The following GRIA2 variants were observed in gnomAD, a reference collection of about 807,000 sequenced individuals.
GRIA2 encodes glutamate receptor 2.
A neutral mutation model predicts 97.3 loss-of-function variants in GRIA2; 14 were observed. The ratio of observed to expected loss-of-function variants is 0.14; its 90% CI spans 0.10 to 0.23. The LOEUF (loss-of-function observed/expected upper bound fraction) is 0.23, where lower values mean the gene tolerates loss of function less well. Ranked by LOEUF, GRIA2 falls within the 10% of genes least tolerant of loss-of-function variation. The pLI is 1.00. For missense variants in GRIA2, 558 were observed against 1,069.8 expected (o/e 0.52, Z 6.67); for synonymous variants, 412 against 387.8 (o/e 1.06, Z -0.73).
At chr4:157,270,542 G>A (rs934284653) in intron 2 of GRIA2, among the ~76,000 whole-genome samples, 2 of 152,012 alleles carry the variant, frequency 1.3e-5, no homozygotes, top group African/African-American at 4.8e-5. Context: ...ACATATTTAA[G>A]ACTTTAAATC....
At chr4:157,234,393 T>A (rs1730152694) in intron 2 of GRIA2, among the ~76,000 whole-genome samples, 1 of 152,124 alleles carries the variant, frequency 6.6e-6, no homozygotes, top group African/African-American at 2.4e-5. Flanking sequence ...GATTTTACTT[T>A]ATTATCATTT....
chr4:157,342,508 C>G (rs955890212), intron 12 of GRIA2: 9 of 957,460 alleles, frequency 9.4e-6, no homozygotes, highest in African/African-American at 1.8e-5. Context: ...TGTGGACCAT[C>G]AGCAGCTTTT....
intron 2 of GRIA2, among the ~76,000 whole-genome samples, chr4:157,290,223 A>T (rs1406219356): frequency 6.6e-6 from 1 of 151,932 alleles, no homozygotes; most frequent in Non-Finnish European, 1.5e-5. Context: ...AATACATAAT[A>T]CATCATACTA....
intron 12 of GRIA2, among the ~76,000 whole-genome samples, chr4:157,348,471 T>C (rs933008003): frequency 3.9e-5 from 6 of 152,208 alleles, no homozygotes; most frequent in African/African-American, 1.4e-4. Flanking sequence ...GCTCCTGGGC[T>C]CAAGTGATCC....
At position 157,269,136 on chromosome 4, in the gene GRIA2, C is replaced by T. The variant is rs968917336; in HGVS notation, c.230-34416C>T. On this transcript the variant is annotated intron_variant, in intron 2 of 15. Coordinates refer to ENST00000264426, the MANE Select transcript of GRIA2 (RefSeq NM_001083619.3). ...ACAGTTGTTTTTTATACTCTCCTCA[C>T]CCCTCCTTTAATTAATAACTCTCAT... 5.9e-5 allele frequency among the ~76,000 whole-genome samples: 9 copies of T among 151,894 alleles called. 1 individual carries two copies. The highest frequency in any genetic ancestry group is 2.0e-4 in the Admixed American group (3 of 15,228).
At position 157,341,167 on chromosome 4, in the gene GRIA2, A is replaced by G; in HGVS notation, c.1845-97A>G. The G allele has an allele frequency of 6.4e-6, 5 of 782,682 alleles. 1 individual carries two copies. In the South Asian group the frequency reaches 7.9e-5, roughly 12 times the overall value. 48.5% of individuals were successfully genotyped at this position (782,682 alleles called of 1,614,324 possible). ...TACATTGAAAAATATAAAATTAAATATTCCCCTATAAGTCAATATTTGCAT... is the reference window on the plus strand; with the variant it reads ...TACATTGAAAAATATAAAATTAAATGTTCCCCTATAAGTCAATATTTGCAT... On this transcript the variant is annotated intron_variant, in intron 11 of 15. Transcript: ENST00000264426.
At chr4:157,317,177 C>T (rs1734361248) in intron 4 of GRIA2, among the ~76,000 whole-genome samples, 1 of 152,030 alleles carries the variant, frequency 6.6e-6, no homozygotes, top group South Asian at 2.1e-4. Flanking sequence ...TTTAAATATT[C>T]TTTTGAAATG....
At chr4:157,256,119 T>TG (rs991484157) in intron 2 of GRIA2, among the ~76,000 whole-genome samples, 1 of 144,278 alleles carries the variant, frequency 6.9e-6, no homozygotes, top group Non-Finnish European at 1.5e-5. Flanking sequence ...AGCAAACTAT[T>TG]GAGAGCTGCT....
At chr4:157,358,626 C>T (rs1424830635) in intron 12 of GRIA2, among the ~76,000 whole-genome samples, 1 of 152,090 alleles carries the variant, frequency 6.6e-6, no homozygotes, top group African/African-American at 2.4e-5. Context: ...GATCCATGAG[C>T]CTGTCTCAAT....
At position 157,293,109 on chromosome 4, in the gene GRIA2, G is replaced by A. The variant is rs1276659781; in HGVS notation, c.230-10443G>A. On this transcript the variant is annotated intron_variant, in intron 2 of 15. Coordinates refer to ENST00000264426, the MANE Select transcript of GRIA2 (RefSeq NM_001083619.3). ...AAAAAGTTATTTTATTGATAGCAAT[G>A]TTAATTGCTACACTATATTTGGGTG... 2.6e-5 allele frequency among the ~76,000 whole-genome samples: 4 copies of A among 152,238 alleles called. No homozygotes were observed. The East Asian group carries it at 7.7e-4, about 29-fold the overall frequency.
At chr4:157,233,481 C>T (rs558370743) in intron 2 of GRIA2, among the ~76,000 whole-genome samples, 13 of 152,042 alleles carry the variant, frequency 8.6e-5, no homozygotes, top group Admixed American at 4.6e-4. Context: ...TGAAAATCAG[C>T]CAAGCAACAT....
At chr4:157,308,446 G>A (rs1427578440) in intron 3 of GRIA2, among the ~76,000 whole-genome samples, 2 of 151,928 alleles carry the variant, frequency 1.3e-5, no homozygotes, top group South Asian at 4.2e-4. Flanking sequence ...TATTCTTGAG[G>A]GTTTAAAAGA....
chr4:157,258,580 G>C (rs185461535), intron 2 of GRIA2, among the ~76,000 whole-genome samples: 1 of 151,896 alleles, frequency 6.6e-6, no homozygotes, highest in East Asian at 1.9e-4. Context: ...CTGTCATCTC[G>C]CCCTGCCTCC....
At chr4:157,300,470 A>T (rs1733566628) in intron 2 of GRIA2, among the ~76,000 whole-genome samples, 1 of 152,120 alleles carries the variant, frequency 6.6e-6, no homozygotes, top group African/African-American at 2.4e-5. Flanking sequence ...TCTCAGTGGC[A>T]TTCTTATCCT....
At chr4:157,260,964 G>A (rs1180100136) in intron 2 of GRIA2, among the ~76,000 whole-genome samples, 1 of 151,466 alleles carries the variant, frequency 6.6e-6, no homozygotes, top group African/African-American at 2.4e-5. Flanking sequence ...CTGCCTTATT[G>A]TTAAAATTCT....
chr4:157,292,896 G>A (rs575300299), intron 2 of GRIA2, among the ~76,000 whole-genome samples: 130 of 152,130 alleles, frequency 8.5e-4, no homozygotes, highest in African/African-American at 3.0e-3. Context: ...GATAATATTA[G>A]GACCCATGTG....
chr4:157,296,228 T>A (rs188215875), intron 2 of GRIA2, among the ~76,000 whole-genome samples: 126 of 152,256 alleles, frequency 8.3e-4, no homozygotes, highest in Non-Finnish European at 5.4e-4. Context: ...GGAGAATGAA[T>A]TAACTACATT....
chr4:157,266,833 C>T (rs530296016), intron 2 of GRIA2, among the ~76,000 whole-genome samples: 6 of 151,816 alleles, frequency 4.0e-5, no homozygotes, highest in East Asian at 3.9e-4. Flanking sequence ...TTGAAGTTGG[C>T]GGATTGCTTG....
intron 2 of GRIA2, among the ~76,000 whole-genome samples, chr4:157,260,448 T>G (rs1731478864): frequency 6.6e-6 from 1 of 152,116 alleles, no homozygotes; most frequent in Admixed American, 6.6e-5. Flanking sequence ...TCTGAAGCAC[T>G]TTGTCCCTTT....
Sources: allele counts gnomAD v4.1 joint callset (sites outside exome capture counted in the v4.1 genomes callset), GRCh38; gene constraint gnomAD v4.1.1; transcripts MANE v1.5; gene names NCBI Gene and HGNC (gene_info 2026-07-23, HGNC 2026-07-21).